The following CHST9 variants were observed in gnomAD, a reference collection of about 807,000 sequenced individuals.
The protein encoded by CHST9 is carbohydrate sulfotransferase 9.
CHST9 carries 41 observed loss-of-function variants against 44.4 expected under a neutral mutation model. That is an observed-to-expected ratio of 0.92 (90% CI 0.72 to 1.20). CHST9 has a LOEUF of 1.20. Among genes scored for constraint, CHST9 ranks in the 50% most tolerant of loss-of-function variants. CHST9 has a pLI of 0.00. For synonymous variants in CHST9, 171 were observed against 178.4 expected (o/e 0.96, Z 0.33); for missense variants, 504 against 516.5 (o/e 0.98, Z 0.23).
intron 2 of CHST9, among the ~76,000 whole-genome samples, chr18:27,140,425 G>A (rs2058555381): frequency 6.6e-6 from 1 of 152,164 alleles, no homozygotes; most frequent in Non-Finnish European, 1.5e-5. Context: ...CATTTTATAT[G>A]TATGGTATTA....
intron 2 of CHST9, among the ~76,000 whole-genome samples, chr18:27,084,780 G>A (rs2057994933): frequency 6.6e-6 from 1 of 151,810 alleles, no homozygotes; most frequent in Non-Finnish European, 1.5e-5. Context: ...TTTTTGATGT[G>A]GGCTTTTACT....
At chr18:27,135,125 G>C (rs888481478) in intron 2 of CHST9, among the ~76,000 whole-genome samples, 6 of 152,084 alleles carry the variant, frequency 3.9e-5, no homozygotes, top group Admixed American at 1.3e-4. Flanking sequence ...AGGTGTACAT[G>C]TATTAAGACA....
At chr18:26,967,589 T>C (rs190685208) in intron 4 of CHST9, among the ~76,000 whole-genome samples, 140 of 152,366 alleles carry the variant, frequency 9.2e-4, no homozygotes, top group Non-Finnish European at 1.5e-3. Flanking sequence ...ATGAAACTTC[T>C]TGTAATCTTT....
intron 2 of CHST9, among the ~76,000 whole-genome samples, chr18:27,118,260 C>T (rs1249005759): frequency 6.6e-6 from 1 of 152,106 alleles, no homozygotes; most frequent in African/African-American, 2.4e-5. Flanking sequence ...TATTGTTGAG[C>T]TTCAGGAGTT....
intron 2 of CHST9, among the ~76,000 whole-genome samples, chr18:27,100,542 TTGAC>T (rs1285573575): frequency 6.6e-6 from 1 of 152,244 alleles, no homozygotes; most frequent in African/African-American, 2.4e-5. Context: ...GCACTGATTC[TTGAC>T]TGACTGCTAG....
intron 4 of CHST9, among the ~76,000 whole-genome samples, chr18:27,002,985 A>C (rs2056971305): frequency 6.6e-6 from 1 of 152,224 alleles, no homozygotes; most frequent in African/African-American, 2.4e-5. Flanking sequence ...TAACTCAACC[A>C]CATGGGTTGG....
At chr18:26,924,134 C>A (rs183249185) in intron 5 of CHST9, among the ~76,000 whole-genome samples, 1 of 152,026 alleles carries the variant, frequency 6.6e-6, no homozygotes, top group Non-Finnish European at 1.5e-5. Flanking sequence ...GGAGGTGTGC[C>A]TGGGGGCAGA....
At chr18:26,986,061 A>G (rs2056751429) in intron 4 of CHST9, among the ~76,000 whole-genome samples, 2 of 152,234 alleles carry the variant, frequency 1.3e-5, no homozygotes, top group Admixed American at 1.3e-4. Context: ...TAAAATTAAC[A>G]AAGTCTGGTA....
intron 4 of CHST9, among the ~76,000 whole-genome samples, chr18:26,982,359 C>T (rs1392441171): frequency 2.1e-5 from 3 of 143,656 alleles, no homozygotes; most frequent in East Asian, 2.0e-4. Context: ...TTTTTTTGCC[C>T]TCTGCTTTGC....
At chr18:27,111,969 C>T (rs1003169249) in intron 2 of CHST9, among the ~76,000 whole-genome samples, 5 of 152,082 alleles carry the variant, frequency 3.3e-5, no homozygotes, top group African/African-American at 1.2e-4. Context: ...TTTCCTGGGT[C>T]TCCAGCTTAC....
In CHST9 at chr18:26,955,897, G is replaced by C. The variant is rs2056315777; in HGVS notation, c.203-11531C>G. ...AGGTCACGCAGTCAGTTGAGGATCA[G>C]GGGGACTCAGGAGCCACATAGTTCA... On this transcript the variant is annotated intron_variant, in intron 4 of 5. Transcript: ENST00000618847. 3.3e-5 allele frequency among the ~76,000 whole-genome samples: 5 copies of C among 151,978 alleles called. No homozygotes were observed. The South Asian group carries it at 1.0e-3, about 32-fold the overall frequency.
chr18:27,116,077 T>A lies in CHST9; in HGVS notation c.121+26612A>T, dbSNP rs548225920. Among the ~76,000 whole-genome samples the A allele has an allele frequency of 3.3e-5, 5 of 152,326 alleles. No individual in the cohort carries two copies. In the South Asian group the frequency reaches 8.3e-4, roughly 25 times the overall value. Reference sequence around the variant, plus strand: ...ATATAATTTGCAAATATTTTTCCCATCCTTTGGGTTGTCTTTTCACTTTCT... The same window carrying A: ...ATATAATTTGCAAATATTTTTCCCAACCTTTGGGTTGTCTTTTCACTTTCT... On this transcript the variant is annotated intron_variant, in intron 2 of 5. Coordinates refer to ENST00000618847, the MANE Select transcript of CHST9 (RefSeq NM_031422.6).
At chr18:27,054,091 T>A (rs1449188907) in intron 2 of CHST9, among the ~76,000 whole-genome samples, 1 of 152,218 alleles carries the variant, frequency 6.6e-6, no homozygotes, top group Non-Finnish European at 1.5e-5. Context: ...TCTCCTGATG[T>A]CTAGCACCGT....
intron 2 of CHST9, among the ~76,000 whole-genome samples, chr18:27,133,618 C>G (rs2143842608): frequency 6.6e-6 from 1 of 152,248 alleles, no homozygotes; most frequent in South Asian, 2.1e-4. Flanking sequence ...CTCCATTTTA[C>G]TGGGAGATGC....
intron 2 of CHST9, among the ~76,000 whole-genome samples, chr18:27,082,024 C>G (rs904332673): frequency 4.6e-5 from 7 of 152,132 alleles, no homozygotes; most frequent in African/African-American, 1.7e-4. Context: ...AAATGTTTCC[C>G]CTGAGGGTAA....
rs2055465949 is a variant in CHST9 at position 26,913,210 on chromosome 18, T to A, written c.*3049A>T. On this transcript the variant is annotated 3_prime_UTR_variant, in exon 6 of 6. Transcript: ENST00000618847. ...ACATCAATAAAATGTAAAAGTATTT[T>A]TCCTCTTTCTAATTAAAAATGACAT... 1 of 152,206 alleles carries A rather than the reference T, an allele frequency of 6.6e-6. No individual in the cohort carries two copies. Among genetic ancestry groups the A allele is most frequent in the African/African-American group, 2.4e-5 (1 of 41,446 alleles). The allele number at this position is 152,206 out of a possible 1,614,324, so 9.4% of individuals were successfully genotyped here.
Position 27,168,780 on chromosome 18 carries a change from T to C in CHST9, c.-97+16356A>G, listed in dbSNP as rs529161097. Among the ~76,000 whole-genome samples, 3 of 152,268 alleles carry C rather than the reference T, an allele frequency of 2.0e-5. No individual in the cohort carries two copies. In the East Asian group the frequency reaches 5.8e-4, roughly 29 times the overall value. ...AGACCTATAATTCACTTCTAATGAATAGCACATGAAAAAAGGTAAAGAAAT... is the reference window on the plus strand; with the variant it reads ...AGACCTATAATTCACTTCTAATGAACAGCACATGAAAAAAGGTAAAGAAAT... On this transcript the variant is annotated intron_variant, in intron 1 of 5. Coordinates refer to ENST00000618847, the MANE Select transcript of CHST9 (RefSeq NM_031422.6).
In CHST9 at chr18:27,142,824, G is replaced by C. The variant is rs774233954; in HGVS notation, c.-15C>G. 9.4e-6 allele frequency: 15 copies of C among 1,594,278 alleles called. No homozygotes were observed. The highest frequency in any genetic ancestry group is 1.2e-5 in the Non-Finnish European group (14 of 1,172,678). ...GATGGCTGCATTTCTCCTTATTTCA[G>C]AATCTGAAGACCACATGATTTGTTT... On this transcript the variant is annotated 5_prime_UTR_variant, in exon 2 of 6. Transcript: ENST00000618847.
intron 1 of CHST9, among the ~76,000 whole-genome samples, chr18:27,169,091 T>C (rs2058813883): frequency 6.6e-6 from 1 of 152,236 alleles, no homozygotes; most frequent in African/African-American, 2.4e-5. Context: ...GAGTTTCAGA[T>C]GAGAATAAAA....
Sources: gnomAD v4.1 joint callset for allele counts (sites outside exome capture counted in the v4.1 genomes callset) on GRCh38, gnomAD v4.1.1 for gene constraint, MANE v1.5 for transcripts, NCBI Gene and HGNC (gene_info 2026-07-23, HGNC 2026-07-21) for gene names.